The following ABCB1 variants were observed in gnomAD, a reference collection of about 807,000 sequenced individuals.
ABCB1 encodes the protein ATP binding cassette subfamily B member 1.
Under a neutral mutation model 142.0 loss-of-function variants are expected in ABCB1, and 69 were observed. That is an observed-to-expected ratio of 0.49 (90% confidence interval 0.40 to 0.59). ABCB1 has a LOEUF of 0.59. Among genes scored for constraint, ABCB1 ranks in the 20% least tolerant of loss-of-function variants. The pLI, the probability that ABCB1 is intolerant of heterozygous loss-of-function variation, is 0.00. For synonymous variants in ABCB1, 532 were observed against 539.2 expected (o/e 0.99, Z 0.18); for missense variants, 1,326 against 1,554.7 (o/e 0.85, Z 2.47).
chr7:87,703,617 C>T (rs1221820120), intron 1 of ABCB1, among the ~76,000 whole-genome samples: 2 of 151,932 alleles, frequency 1.3e-5, no homozygotes, highest in Non-Finnish European at 1.5e-5. Flanking sequence ...CTCTGTCTCA[C>T]GTATTTAAGC....
chr7:87,578,664 G>A (rs987599728), intron 4 of ABCB1, among the ~76,000 whole-genome samples: 24 of 148,846 alleles, frequency 1.6e-4, no homozygotes, highest in African/African-American at 5.7e-4. Context: ...TTTATTTCAT[G>A]TGTAGCAATA....
At chr7:87,528,955 G>A (rs1326456560) in intron 21 of ABCB1, among the ~76,000 whole-genome samples, 1 of 152,226 alleles carries the variant, frequency 6.6e-6, no homozygotes, top group Non-Finnish European at 1.5e-5. Flanking sequence ...TGTGATGCCA[G>A]ATAAGGCCAT....
At chr7:87,630,723 A>G (rs778795359) in intron 1 of ABCB1, among the ~76,000 whole-genome samples, 1 of 150,532 alleles carries the variant, frequency 6.6e-6, no homozygotes, top group Non-Finnish European at 1.5e-5. Context: ...TCAGTATAGC[A>G]TCTAACACTC....
At chr7:87,686,165 C>A (rs1016586580) in intron 1 of ABCB1, among the ~76,000 whole-genome samples, 1 of 152,082 alleles carries the variant, frequency 6.6e-6, no homozygotes, top group African/African-American at 2.4e-5. Context: ...TTTTTTCTTA[C>A]AATTTTTCTA....
intron 1 of ABCB1, among the ~76,000 whole-genome samples, chr7:87,695,350 A>G (rs752906150): frequency 2.0e-5 from 3 of 152,142 alleles, no homozygotes; most frequent in African/African-American, 7.2e-5. Context: ...GTTTGATAAA[A>G]TAGTGGATAA....
chr7:87,685,545 G>A (rs1827375009), intron 1 of ABCB1, among the ~76,000 whole-genome samples: 1 of 152,112 alleles, frequency 6.6e-6, no homozygotes, highest in African/African-American at 2.4e-5. Context: ...ATGTATAAAT[G>A]TCAGATACAT....
chr7:87,648,700 T>TA (rs1272715700), intron 1 of ABCB1, among the ~76,000 whole-genome samples: 1 of 152,184 alleles, frequency 6.6e-6, no homozygotes, highest in Admixed American at 6.5e-5. Context: ...TAGTATTTTT[T>TA]ATTTCCCGAT....
rs112292979 is a variant in ABCB1, at chr7:87,513,133, G to A, written c.3282+2098C>T. 6.2e-3 allele frequency among the ~76,000 whole-genome samples: 948 copies of A among 152,208 alleles called. 6 individuals are homozygous for A. The highest frequency in any genetic ancestry group is 0.022 in the African/African-American group (905 of 41,518). ...TCTGCAACAGCCAGATTCTAGTCTCGTGTCTTTAAATTTGGAACAGCTGTG... is the reference window on the plus strand; with the variant it reads ...TCTGCAACAGCCAGATTCTAGTCTCATGTCTTTAAATTTGGAACAGCTGTG... On this transcript the variant is annotated intron_variant, in intron 25 of 27. Coordinates refer to ENST00000622132, the MANE Select transcript of ABCB1 (RefSeq NM_001348946.2).
At chr7:87,649,156 AGTT>A (rs1357491333) in intron 1 of ABCB1, among the ~76,000 whole-genome samples, 1 of 152,140 alleles carries the variant, frequency 6.6e-6, no homozygotes, top group African/African-American at 2.4e-5. Flanking sequence ...AGCATGAGGG[AGTT>A]GTTTGAGGTG....
At chr7:87,711,475 T>G (rs1309061108) in intron 1 of ABCB1, among the ~76,000 whole-genome samples, 1 of 152,096 alleles carries the variant, frequency 6.6e-6, no homozygotes, top group Non-Finnish European at 1.5e-5. Flanking sequence ...AATAGGACTT[T>G]GTTGATTTTT....
intron 3 of ABCB1, among the ~76,000 whole-genome samples, chr7:87,593,409 A>G (rs1463805591): frequency 1.3e-5 from 2 of 152,236 alleles, no homozygotes; most frequent in Non-Finnish European, 2.9e-5. Flanking sequence ...TACTTCTTTC[A>G]TCACTTTTTT....
In ABCB1 at chr7:87,515,246, G is replaced by A. The variant is rs763003511; in HGVS notation, c.3267C>T (p.Pro1089=). ...GTGTGCTCACCACTTTCCCTGCCAA[G>A]GGGTCGTAGAACCGCTCCAGGAGCT... The part of the protein sequence containing the change: ...VVQLLERFYD[P]LAGKVLLDGK... Residue 1089 remains proline (P), a synonymous_variant, in exon 25 of 28, where the codon CCC becomes CCT. Coordinates refer to ENST00000622132, the MANE Select transcript of ABCB1 (RefSeq NM_001348946.2). 6.2e-7 allele frequency: 1 copy of A among 1,613,834 alleles called. No homozygotes were observed. Among genetic ancestry groups the A allele is most frequent in the Non-Finnish European group, 8.5e-7 (1 of 1,180,012 alleles).
chr7:87,630,268 A>G (rs1001370315), intron 1 of ABCB1, among the ~76,000 whole-genome samples: 9 of 152,240 alleles, frequency 5.9e-5, no homozygotes, highest in Admixed American at 2.6e-4. Flanking sequence ...CTTAAATGCA[A>G]TAACTCACAG....
upstream of ABCB1, chr7:87,602,976 T>C (rs1032195807): frequency 6.6e-5 from 10 of 152,312 alleles, no homozygotes; most frequent in African/African-American, 1.9e-4. Flanking sequence ...CCCTTGCAAG[T>C]TGACACTCAT....
At chr7:87,559,149 T>C (rs1229942156) in intron 8 of ABCB1, among the ~76,000 whole-genome samples, 1 of 152,098 alleles carries the variant, frequency 6.6e-6, no homozygotes, top group Non-Finnish European at 1.5e-5. Flanking sequence ...GATAGGGTTA[T>C]CTCTTTCTTG....
chr7:87,635,028 TC>T (rs1198146368), intron 1 of ABCB1, among the ~76,000 whole-genome samples: 5 of 152,176 alleles, frequency 3.3e-5, no homozygotes, highest in Admixed American at 3.3e-4. Flanking sequence ...AGACTAGCTA[TC>T]CCCCAGTCCT....
chr7:87,586,597 T>TAA (rs199743342), intron 3 of ABCB1, among the ~76,000 whole-genome samples: 53 of 152,054 alleles, frequency 3.5e-4, no homozygotes, highest in African/African-American at 1.3e-3. Flanking sequence ...GGAAACTGGG[T>TAA]AAAAAAATCA....
intron 1 of ABCB1, among the ~76,000 whole-genome samples, chr7:87,616,961 T>C (rs890816259): frequency 3.9e-5 from 6 of 152,142 alleles, no homozygotes; most frequent in Admixed American, 3.9e-4. Flanking sequence ...CACAAATTAT[T>C]GGTGAGGCCT....
At chr7:87,695,806 G>T (rs1828448206) in intron 1 of ABCB1, among the ~76,000 whole-genome samples, 1 of 151,980 alleles carries the variant, frequency 6.6e-6, no homozygotes, top group Non-Finnish European at 1.5e-5. Context: ...GTCTTATTCT[G>T]GCCATGAAAT....
Sources: allele counts gnomAD v4.1 joint callset (sites outside exome capture counted in the v4.1 genomes callset), GRCh38; gene constraint gnomAD v4.1.1; transcripts MANE v1.5; gene names NCBI Gene and HGNC (gene_info 2026-07-23, HGNC 2026-07-21).